GIN1: variants seen among roughly 807,000 people sequenced by gnomAD.
GIN1 encodes the protein gypsy retrotransposon integrase 1, also known as gypsy retrotransposon integrase-like protein 1.
GIN1 carries 41 observed loss-of-function variants against 51.4 expected under a neutral mutation model. That is an observed-to-expected ratio of 0.80 (90% CI 0.62 to 1.04). The LOEUF (loss-of-function observed/expected upper bound fraction) is 1.04. Ranked by LOEUF, GIN1 falls within the 50% of genes least tolerant of loss-of-function variation. The probability of loss-of-function intolerance (pLI) is 0.00; values close to 1 mark genes in which losing one functional copy is unlikely to be tolerated. For synonymous variants in GIN1, 222 were observed against 206.5 expected (o/e 1.07, Z -0.64); for missense variants, 610 against 612.4 (o/e 1.00, Z 0.04).
intron 4 of GIN1, among the ~76,000 whole-genome samples, chr5:103,098,037 C>A: frequency 6.6e-6 from 1 of 152,048 alleles, no homozygotes; most frequent in East Asian, 1.9e-4. Flanking sequence ...TGTGCGCCAC[C>A]ACACCCGGCT....
At chr5:103,116,930 A>G (rs1273447204) in intron 1 of GIN1, among the ~76,000 whole-genome samples, 6 of 152,222 alleles carry the variant, frequency 3.9e-5, no homozygotes, top group Admixed American at 1.3e-4. Context: ...GGTACTACCA[A>G]GGATGCTCTT....
chr5:103,089,436 T>TTTCATTCA (rs10540235), intron 7 of GIN1, among the ~76,000 whole-genome samples: 1 of 151,600 alleles, frequency 6.6e-6, no homozygotes, highest in Non-Finnish European at 1.5e-5. Flanking sequence ...TTTACTTATT[T>TTTCATTCA]TTCATTCATT....
At chr5:103,108,765 T>A in intron 1 of GIN1, 51 bp from the exon 2 acceptor site, 15 of 1,176,008 alleles carry the variant, frequency 1.3e-5, no homozygotes, top group Non-Finnish European at 1.9e-5. Flanking sequence ...CTAACTGAAT[T>A]GCTATTTCAG....
intron 1 of GIN1, among the ~76,000 whole-genome samples, chr5:103,114,963 G>A (rs1013499285): frequency 2.0e-5 from 3 of 152,136 alleles, no homozygotes; most frequent in Non-Finnish European, 4.4e-5. Context: ...TTACAGTATA[G>A]CAGGGCAGTT....
At chr5:103,096,488 A>G in intron 7 of GIN1, 53 bp downstream of exon 7, 1 of 1,251,656 alleles carries the variant, frequency 8.0e-7, no homozygotes, top group Non-Finnish European at 1.1e-6. Flanking sequence ...GTTATTTTTA[A>G]CTATTCTCCT....
Position 103,107,046 on chromosome 5 carries a change from A to T in GIN1, c.140-137T>A, listed in dbSNP as rs547657369. The T allele has an allele frequency of 6.0e-4, 336 of 562,900 alleles. 1 individual carries two copies. The highest frequency in any genetic ancestry group is 7.8e-4 in the Non-Finnish European group (252 of 324,420). 34.9% of individuals were successfully genotyped at this position (562,900 alleles called of 1,614,324 possible). ...AATCTTACTGCATTTAAAACAGAAT[A>T]TTTATTTTTAATGATGCTACAACAC... On this transcript the variant is annotated intron_variant, in intron 2 of 7. Transcript: ENST00000399004.
At position 103,086,451 on chromosome 5, in the gene GIN1, C is replaced by T. The variant is rs1787077949; in HGVS notation, c.*1447G>A. 1 of 152,124 alleles carries T rather than the reference C, an allele frequency of 6.6e-6. No homozygotes were observed. Among genetic ancestry groups the T allele is most frequent in the South Asian group, 2.1e-4 (1 of 4,834 alleles). 9.4% of individuals were successfully genotyped at this position (152,124 alleles called of 1,614,324 possible). A position where few individuals can be genotyped will look rare whatever the true frequency, so the allele number is the denominator to read the frequency against. ...TCCTACTTACCTTTTCAGCTTTATC[C>T]CTCATTATCTTGCTTCTTCACTTTA... is the stretch of plus-strand genomic sequence containing the variant. On this transcript the variant is annotated 3_prime_UTR_variant, in exon 8 of 8. Coordinates refer to ENST00000399004, the MANE Select transcript of GIN1 (RefSeq NM_017676.2).
At chr5:103,107,810 G>A (rs1787767995) in intron 2 of GIN1, among the ~76,000 whole-genome samples, 1 of 152,056 alleles carries the variant, frequency 6.6e-6, no homozygotes, top group South Asian at 2.1e-4. Context: ...TTAAGTATAA[G>A]GGAGTTATTG....
rs1787671939 is a variant in GIN1, at chr5:103,104,642, C to A, written c.538G>T (p.Val180Phe). The change falls in exon 4 of 8, where the codon GTT becomes TTT. Residue 180 changes from valine (V) to phenylalanine (F), a missense_variant. Physicochemically the swap from Val to Phe is conservative, Grantham distance 50 (BLOSUM62 -1). Transcript: ENST00000399004. The stretch of plus-strand genomic sequence containing the variant: ...GCTTTAGAAACTTCTGATGCTGAAA[C>A]ATCACATAGAGGCAAAATCACAATC... ...KWIVILPLCDVSASEVSKAII... is the reference protein window; with the variant it reads ...KWIVILPLCDFSASEVSKAII... 6.2e-7 allele frequency: 1 copy of A among 1,602,066 alleles called. No individual in the cohort carries two copies. Among genetic ancestry groups the A allele is most frequent in the African/African-American group, 1.3e-5 (1 of 74,652 alleles).
At position 103,088,117 on chromosome 5, in the gene GIN1, C is replaced by T. The variant is rs782354106; in HGVS notation, c.1350G>A (p.Leu450=). The change falls in exon 8 of 8, where the codon TTG becomes TTA. Residue 450 remains leucine, a synonymous_variant. Coordinates refer to ENST00000399004, the MANE Select transcript of GIN1 (RefSeq NM_017676.2). ...GATATGCTCCAATCGGAATTTCAGG[C>T]AATCCAATGTAGTCATGATCTGCCA... The part of the protein sequence containing the change: ...SVVADHDYIG[L]PEIPIGAYQA... The T allele has an allele frequency of 1.6e-5, 26 of 1,609,514 alleles. No individual in the cohort carries two copies. The highest frequency in any genetic ancestry group is 1.4e-5 in the Non-Finnish European group (17 of 1,176,420).
At chr5:103,108,520 T>C in intron 2 of GIN1, 49 bp downstream of exon 2, 1 of 1,290,564 alleles carries the variant, frequency 7.7e-7, no homozygotes, top group Non-Finnish European at 1.1e-6. Flanking sequence ...AGGAAGAATG[T>C]GGGGAAGAAT....
chr5:103,106,456 G>A (rs1554196276), intron 3 of GIN1: 1 of 284,296 alleles, frequency 3.5e-6, no homozygotes, highest in East Asian at 7.8e-5. Flanking sequence ...ACACAAAAAA[G>A]TTCAATGATA....
At chr5:103,095,655 C>T (rs1554194938) in intron 7 of GIN1, among the ~76,000 whole-genome samples, 7 of 152,214 alleles carry the variant, frequency 4.6e-5, no homozygotes. Flanking sequence ...GGTGCAATGG[C>T]ACATGCACGC....
intron 1 of GIN1, among the ~76,000 whole-genome samples, chr5:103,115,052 G>A (rs1017914354): frequency 1.5e-4 from 23 of 152,212 alleles, no homozygotes; most frequent in African/African-American, 5.5e-4. Flanking sequence ...AGCTATAAAG[G>A]CAAGGAGCTA....
At position 103,110,519 on chromosome 5, in the gene GIN1, T is replaced by C. The variant is rs1787851237; in HGVS notation, c.-7-1805A>G. Among the ~76,000 whole-genome samples the C allele has an allele frequency of 1.3e-5, 2 of 152,116 alleles. 1 individual carries two copies. Among genetic ancestry groups the C allele is most frequent in the Admixed American group, 1.3e-4 (2 of 15,266 alleles). ...TCAACATCATTATTCCACAGGGCAA[T>C]GCAAATAAAACCACGATGACTTAGA... On this transcript the variant is annotated intron_variant, in intron 1 of 7. Transcript: ENST00000399004.
intron 4 of GIN1, among the ~76,000 whole-genome samples, chr5:103,099,966 C>T (rs73197900): frequency 0.016 from 2,486 of 152,236 alleles, 59 homozygotes; most frequent in African/African-American, 0.057. Context: ...GTACTGTCAT[C>T]GTTATGCTTT....
intron 4 of GIN1, among the ~76,000 whole-genome samples, chr5:103,098,231 A>C (rs1266426786): frequency 1.3e-5 from 2 of 152,132 alleles, no homozygotes; most frequent in Admixed American, 1.3e-4. Flanking sequence ...ACATACATAA[A>C]ATATGTAAAA....
chr5:103,095,137 T>C (rs1197783500), intron 7 of GIN1, among the ~76,000 whole-genome samples: 1 of 152,234 alleles, frequency 6.6e-6, no homozygotes, highest in East Asian at 1.9e-4. Context: ...ATAACTTGTT[T>C]ATATTGTTAT....
chr5:103,092,517 C>T (rs1397536531), intron 7 of GIN1, among the ~76,000 whole-genome samples: 1 of 151,934 alleles, frequency 6.6e-6, no homozygotes, highest in Admixed American at 6.6e-5. Flanking sequence ...TTTGATAATC[C>T]TCAAACTATT....
Sources: allele counts gnomAD v4.1 joint callset (sites outside exome capture counted in the v4.1 genomes callset), GRCh38; gene constraint gnomAD v4.1.1; transcripts MANE v1.5; gene names NCBI Gene and HGNC (gene_info 2026-07-23, HGNC 2026-07-21).